Variants in NECAB3 observed in about 807,000 individuals in gnomAD.
NECAB3 encodes the protein N-terminal EF-hand calcium binding protein 3.
Under a neutral mutation model 57.2 loss-of-function variants are expected in NECAB3, and 38 were observed. The observed-to-expected ratio is 0.66, with a 90% CI of 0.51 to 0.87. The LOEUF (loss-of-function observed/expected upper bound fraction) is 0.87, where lower values mean the gene tolerates loss of function less well. Among genes scored for constraint, NECAB3 ranks in the 40% least tolerant of loss-of-function variants. The pLI is 0.00. For missense variants in NECAB3, 474 were observed against 527.5 expected (o/e 0.90, Z 0.99); for synonymous variants, 223 against 222.6 (o/e 1.00, Z -0.02).
Position 33,659,915 on chromosome 20 carries a change from A to G in NECAB3, c.613T>C (p.Ser205Pro). 1 of 1,548,152 alleles carries G rather than the reference A, an allele frequency of 6.5e-7. No individual in the cohort carries two copies. Residue 205 changes from serine to proline, a missense_variant, in exon 7 of 12, where the codon TCC (serine) becomes CCC (proline). Ser to Pro is a moderately conservative substitution (Grantham distance 74). Transcript: ENST00000246190. The part of the protein sequence containing the change: ...RRALRSVSRS[S>P]TWSPGSSDTG... ...TCAGAAGAGCCGGGGGACCAGGTGGATGACCGGCTGACACTCCTCAGGGCT... is the reference window on the plus strand; with the variant it reads ...TCAGAAGAGCCGGGGGACCAGGTGGGTGACCGGCTGACACTCCTCAGGGCT...
intron 5 of NECAB3, chr20:33,663,839 G>A (rs1043868980): frequency 7.1e-7 from 1 of 1,401,292 alleles, no homozygotes; most frequent in Middle Eastern, 2.5e-4. Flanking sequence ...CCGCGCAAAC[G>A]GTGCCGCTGC....
chr20:33,667,961 T>G, intron 5 of NECAB3: 1 of 1,551,338 alleles, frequency 6.4e-7, no homozygotes, highest in Non-Finnish European at 8.7e-7. Context: ...CCCAAAACGC[T>G]GCGGACACGC....
intron 5 of NECAB3, chr20:33,662,185 A>G: frequency 2.2e-6 from 2 of 906,786 alleles, no homozygotes. Flanking sequence ...CCAAGGCTAG[A>G]AGTGACTGAG....
intron 5 of NECAB3, 58 bp downstream of exon 5, chr20:33,669,317 G>A (rs2017774369): frequency 2.6e-6 from 4 of 1,554,742 alleles, no homozygotes; most frequent in East Asian, 4.5e-5. Flanking sequence ...GGATCCCACA[G>A]CACAGCAGAT....
chr20:33,668,129 C>T lies in NECAB3; in HGVS notation c.387+1246G>A, dbSNP rs750707939. ...CATGGGCGTGGCATGGCTGTGTGGA[C>T]CGGCGGCTCCATGGTGGCCTCCCTG... On this transcript the variant is annotated intron_variant, in intron 5 of 11. Transcript: ENST00000246190. The T allele has an allele frequency of 6.2e-6, 10 of 1,610,698 alleles. No homozygotes were observed. The East Asian group carries it at 2.2e-4, about 36-fold the overall frequency.
chr20:33,665,473 AAAAC>A (rs10627344), intron 5 of NECAB3: 3 of 151,550 alleles, frequency 2.0e-5, no homozygotes, highest in South Asian at 2.1e-4. Context: ...TCCATCTCAA[AAAAC>A]AAACAACACA....
intron 5 of NECAB3, chr20:33,664,044 T>A: frequency 1.8e-6 from 1 of 548,110 alleles, no homozygotes. Context: ...GCCAGGGCTG[T>A]CTTTTGCTTT....
In NECAB3 at chr20:33,667,682, C is replaced by T; in HGVS notation, c.387+1693G>A. On this transcript the variant is annotated intron_variant, in intron 5 of 11. Coordinates refer to ENST00000246190, the MANE Select transcript of NECAB3 (RefSeq NM_031232.4). ...CGCTACCTGCGGGATCTGCTGGTGG[C>T]GGCGAACCCTGACCTCTTGCAGCAG... is the stretch of plus-strand genomic sequence containing the variant. 7 of 1,611,756 alleles carry T rather than the reference C, an allele frequency of 4.3e-6. No individual in the cohort carries two copies. Among genetic ancestry groups the T allele is most frequent in the South Asian group, 2.2e-5 (2 of 91,046 alleles).
rs756165170 is a variant in NECAB3 at position 33,662,513 on chromosome 20, G to A, written c.388-2118C>T. The A allele has an allele frequency of 1.3e-4, 202 of 1,544,862 alleles. No individual in the cohort carries two copies. The Middle Eastern group carries it at 1.6e-3, about 12-fold the overall frequency. On this transcript the variant is annotated intron_variant, in intron 5 of 11. Transcript: ENST00000246190. The stretch of plus-strand genomic sequence containing the variant: ...GGGAGCAGGGCTGGGGAGGCAGCTG[G>A]GGGGCAGAGAAAGCTGGACAAGTGG...
chr20:33,660,371 C>G lies in NECAB3; in HGVS notation c.412G>C (p.Asp138His). ...AGCAGGAAGCGCGTCACAAACTGGTCCACTTTGGAGGCCCTCTCGTACTCC... is the reference window on the plus strand; with the variant it reads ...AGCAGGAAGCGCGTCACAAACTGGTGCACTTTGGAGGCCCTCTCGTACTCC... The part of the protein sequence containing the change: ...KLEYERASKV[D>H]QFVTRFLLRE... The change falls in exon 6 of 12, where the codon GAC (aspartate) becomes CAC (histidine). Residue 138 changes from aspartate (D) to histidine (H), a missense_variant. By Grantham distance (81) the Asp-to-His change is moderately conservative. Coordinates refer to ENST00000246190, the MANE Select transcript of NECAB3 (RefSeq NM_031232.4). This position sits in a 1 kb window ranked among gnomAD's most constrained non-coding sequence, Gnocchi z 4.1. 1 of 1,613,712 alleles carries G rather than the reference C, an allele frequency of 6.2e-7. No individual in the cohort carries two copies. The highest frequency in any genetic ancestry group is 8.5e-7 in the Non-Finnish European group (1 of 1,179,974).
chr20:33,661,616 C>T (rs1224854789), intron 5 of NECAB3, among the ~76,000 whole-genome samples: 1 of 152,246 alleles, frequency 6.6e-6, no homozygotes, highest in African/African-American at 2.4e-5. Flanking sequence ...GAAGCACCCA[C>T]TCAGAGCCAA....
chr20:33,661,133 G>A (rs936027471), intron 5 of NECAB3, among the ~76,000 whole-genome samples: 1 of 152,186 alleles, frequency 6.6e-6, no homozygotes, highest in East Asian at 1.9e-4. Context: ...CTGCAAGAAC[G>A]TCCCAGGAGT....
At chr20:33,663,966 G>C in intron 5 of NECAB3, 1 of 1,110,808 alleles carries the variant, frequency 9.0e-7, no homozygotes, top group Non-Finnish European at 1.2e-6. Context: ...GGTGGGCAAA[G>C]CTCAGCCTAG....
Position 33,669,015 on chromosome 20 carries a change from G to A in NECAB3, c.387+360C>T, listed in dbSNP as rs559333128. On this transcript the variant is annotated intron_variant, in intron 5 of 11. Transcript: ENST00000246190. ...TTCCACGCCTAGCCCAGCCCTGAATGATATCCCACCACAGTTGTGATGGGC... is the reference window on the plus strand; with the variant it reads ...TTCCACGCCTAGCCCAGCCCTGAATAATATCCCACCACAGTTGTGATGGGC... 238 of 282,768 alleles carry A rather than the reference G, an allele frequency of 8.4e-4. 1 individual carries two copies. The highest frequency in any genetic ancestry group is 5.2e-3 in the African/African-American group (232 of 44,954). 17.5% of individuals were successfully genotyped at this position (282,768 alleles called of 1,614,324 possible).
intron 7 of NECAB3, 52 bp from the exon 8 acceptor site, chr20:33,659,784 G>C: frequency 6.5e-7 from 1 of 1,536,076 alleles, no homozygotes; most frequent in Non-Finnish European, 8.7e-7. Flanking sequence ...GGTCCCGCAG[G>C]TGCTCAGAAT....
At chr20:33,663,510 C>G (rs571018419) in intron 5 of NECAB3, 1 of 1,601,374 alleles carries the variant, frequency 6.2e-7, no homozygotes, top group Admixed American at 1.7e-5. Context: ...TCTCCCGCCT[C>G]ACGCCCCTGT....
Position 33,670,693 on chromosome 20 carries a change from T to A in NECAB3, c.254A>T (p.His85Leu), listed in dbSNP as rs777720643. 1.2e-5 allele frequency: 20 copies of A among 1,613,334 alleles called. No homozygotes were observed. The Admixed American group carries it at 3.2e-4, about 26-fold the overall frequency. The change falls in exon 3 of 12, where the codon CAT (histidine) becomes CTT (leucine). Residue 85 changes from histidine to leucine, a missense_variant. His to Leu is a moderately conservative substitution (Grantham distance 99). Coordinates refer to ENST00000246190, the MANE Select transcript of NECAB3 (RefSeq NM_031232.4). ...CCCCTCTCATACTCACTCGGTGAGA[T>A]GCCCATCAATGCCGCTGAACAGTTC... is the stretch of plus-strand genomic sequence containing the variant. Reference protein sequence around the residue: ...LQELFSGIDGHLTDNLETEKL... With the variant: ...LQELFSGIDGLLTDNLETEKL...
intron 8 of NECAB3, among the ~76,000 whole-genome samples, 163 bp downstream of exon 8, chr20:33,659,334 G>T (rs775592482): frequency 1.3e-5 from 2 of 152,246 alleles, no homozygotes; most frequent in Non-Finnish European, 2.9e-5. Flanking sequence ...GAGAAAGGTG[G>T]TGGTTCCTGC....
chr20:33,670,649 C>A (rs927623442), intron 3 of NECAB3, 35 bp downstream of exon 3: 2 of 1,492,658 alleles, frequency 1.3e-6, no homozygotes, highest in Admixed American at 1.8e-5. Context: ...GACAACCTGG[C>A]CTCGCATCTA....
Sources: gnomAD v4.1 joint callset for allele counts (sites outside exome capture counted in the v4.1 genomes callset) on GRCh38, gnomAD v4.1.1 for gene constraint, Gnocchi (gnomAD v3.1) non-coding constraint, MANE v1.5 for transcripts, NCBI Gene and HGNC (gene_info 2026-07-23, HGNC 2026-07-21) for gene names.